MYO6: variants seen among roughly 807,000 people sequenced by gnomAD.
MYO6 encodes myosin VI.
In MYO6, 74 loss-of-function variants were observed where a neutral mutation model predicts 178.7. The observed-to-expected ratio is 0.41, with a 90% CI of 0.34 to 0.50. MYO6 has a LOEUF of 0.50. Among genes scored for constraint, MYO6 ranks in the 20% least tolerant of loss-of-function variants. The probability of loss-of-function intolerance (pLI) is 0.09; values close to 1 mark genes in which losing one functional copy is unlikely to be tolerated. For synonymous variants in MYO6, 477 were observed against 504.6 expected (o/e 0.95, Z 0.73); for missense variants, 1,330 against 1,547.4 (o/e 0.86, Z 2.36).
chr6:75,800,468 A>C (rs1447068342), intron 1 of MYO6, among the ~76,000 whole-genome samples: 1 of 152,202 alleles, frequency 6.6e-6, no homozygotes, highest in Non-Finnish European at 1.5e-5. Context: ...CTAAGGTGTC[A>C]GATTTCTTAC....
rs944125043 is a variant in MYO6 at position 75,849,256 on chromosome 6, A to C, written c.1078+725A>C. Among the ~76,000 whole-genome samples the C allele has an allele frequency of 1.4e-4, 21 of 152,310 alleles. No homozygotes were observed. In the South Asian group the frequency reaches 2.9e-3, roughly 21 times the overall value. On this transcript the variant is annotated intron_variant, in intron 11 of 34. Transcript: ENST00000369977. ...GCTAGTGTCAGAGTTGAGTAGTTGCAACAGAGGCTATATGTCCTGCAAAGC... is the reference window on the plus strand; with the variant it reads ...GCTAGTGTCAGAGTTGAGTAGTTGCCACAGAGGCTATATGTCCTGCAAAGC...
At chr6:75,833,451 GCAA>G (rs1769439175) in intron 6 of MYO6, among the ~76,000 whole-genome samples, 1 of 152,196 alleles carries the variant, frequency 6.6e-6, no homozygotes, top group Non-Finnish European at 1.5e-5. Flanking sequence ...CTTGACCCAT[GCAA>G]CAACAACTCC....
At chr6:75,783,883 G>A (rs1767243868) in intron 1 of MYO6, among the ~76,000 whole-genome samples, 1 of 152,128 alleles carries the variant, frequency 6.6e-6, no homozygotes, top group Admixed American at 6.6e-5. Context: ...TATGGTTGAT[G>A]GGATGAGGAA....
chr6:75,770,236 A>T (rs1179079648), intron 1 of MYO6, among the ~76,000 whole-genome samples: 1 of 152,222 alleles, frequency 6.6e-6, no homozygotes, highest in Non-Finnish European at 1.5e-5. Flanking sequence ...CTGCTTATAC[A>T]GCCTGCAGGA....
intron 16 of MYO6, among the ~76,000 whole-genome samples, chr6:75,865,771 A>G (rs1776616039): frequency 6.6e-6 from 1 of 152,158 alleles, no homozygotes; most frequent in South Asian, 2.1e-4. Context: ...TTATGATTAA[A>G]TGGTACAACC....
chr6:75,896,810 C>G (rs1318293128), intron 29 of MYO6, among the ~76,000 whole-genome samples: 1 of 152,214 alleles, frequency 6.6e-6, no homozygotes, highest in Non-Finnish European at 1.5e-5. Flanking sequence ...AGTGGGCACT[C>G]TTGCCCTCCA....
chr6:75,806,833 T>TA (rs1770145053), intron 1 of MYO6, among the ~76,000 whole-genome samples: 1 of 152,240 alleles, frequency 6.6e-6, no homozygotes, highest in Admixed American at 6.5e-5. Context: ...TGTTAATAAA[T>TA]ACGTGGGTAA....
Position 75,868,871 on chromosome 6 carries a change from T to A in MYO6, c.1944+1766T>A, listed in dbSNP as rs1008894123. Among the ~76,000 whole-genome samples the A allele has an allele frequency of 3.3e-5, 5 of 152,130 alleles. No individual in the cohort carries two copies. The East Asian group carries it at 9.6e-4, about 29-fold the overall frequency. The stretch of plus-strand genomic sequence containing the variant: ...GTTAGTGTTTTAGAAAAAGTCATCC[T>A]TTTTGATGGAAACATAATTCTATTA... On this transcript the variant is annotated intron_variant, in intron 18 of 34. Transcript: ENST00000369977.
chr6:75,809,891 TG>T (rs1367803132), intron 1 of MYO6, among the ~76,000 whole-genome samples: 1 of 146,282 alleles, frequency 6.8e-6, no homozygotes, highest in Non-Finnish European at 1.5e-5. Flanking sequence ...GATGAAACCT[TG>T]TCTCTGCTAA....
In MYO6 at chr6:75,813,273, C is replaced by G. The variant is rs1434831164; in HGVS notation, c.-47-4228C>G. Among the ~76,000 whole-genome samples, 4 of 152,300 alleles carry G rather than the reference C, an allele frequency of 2.6e-5. No homozygotes were observed. The East Asian group carries it at 7.7e-4, about 29-fold the overall frequency. Reference sequence around the variant, plus strand: ...CAAGTTCTTCCCACTCTTTTCTCCTCTTTCCTCAAGCAAAGAGTCTCTCTG... The same window carrying G: ...CAAGTTCTTCCCACTCTTTTCTCCTGTTTCCTCAAGCAAAGAGTCTCTCTG... On this transcript the variant is annotated intron_variant, in intron 1 of 34. Transcript: ENST00000369977.
rs2149439735 is a variant in MYO6, at chr6:75,917,366, T to A, written c.*2354T>A. On this transcript the variant is annotated 3_prime_UTR_variant, in exon 35 of 35. Coordinates refer to ENST00000369977, the MANE Select transcript of MYO6 (RefSeq NM_004999.4). ...GCAAAGGCAGCATGCATAAAATATT[T>A]AAAATGAGAGGACAGAATGTTTTCA... 6.5e-6 allele frequency: 1 copy of A among 152,818 alleles called. No homozygotes were observed. The highest frequency in any genetic ancestry group is 2.1e-4 in the South Asian group (1 of 4,830). The allele number at this position is 152,818 out of a possible 1,614,324, so 9.5% of individuals were successfully genotyped here.
In MYO6 at chr6:75,917,496, G is replaced by A. The variant is rs1385929089; in HGVS notation, c.*2484G>A. ...AGAAAAGGAAGTTACTCTAATCCAC[G>A]TATGTTAAGAGAATATTGAGTTTTC... On this transcript the variant is annotated 3_prime_UTR_variant, in exon 35 of 35. Coordinates refer to ENST00000369977, the MANE Select transcript of MYO6 (RefSeq NM_004999.4). 2.6e-5 allele frequency: 4 copies of A among 152,376 alleles called. No individual in the cohort carries two copies. The highest frequency in any genetic ancestry group is 4.1e-4 in the South Asian group (2 of 4,832). 9.4% of individuals were successfully genotyped at this position (152,376 alleles called of 1,614,324 possible).
chr6:75,868,993 G>C (rs908958016), intron 18 of MYO6, among the ~76,000 whole-genome samples: 4 of 149,204 alleles, frequency 2.7e-5, no homozygotes, highest in Admixed American at 2.0e-4. Flanking sequence ...GCTGTTCTTT[G>C]ATAGTTGACT....
In MYO6 at chr6:75,855,180, T is replaced by C. The variant is rs61732664; in HGVS notation, c.1120T>C (p.Tyr374His). ...LKNKSAQSLE[Y>H]CAELLGLDQD... ...GAATAAATCTGCTCAGTCTTTGGAA[T>C]ATTGTGCTGAATTACTGGGTTTGGA... is the stretch of plus-strand genomic sequence containing the variant. The change falls in exon 12 of 35, where the codon TAT becomes CAT. Residue 374 changes from tyrosine (Y) to histidine (H), a missense_variant. Tyr to His is a moderately conservative substitution (Grantham distance 83, BLOSUM62 2). Around this residue, in one of 3 missense-constraint regions of MYO6, gnomAD observed 613 missense variants for 816.8 expected, o/e 0.75. Coordinates refer to ENST00000369977, the MANE Select transcript of MYO6 (RefSeq NM_004999.4). 4.1e-3 allele frequency: 6,659 copies of C among 1,612,678 alleles called. 363 individuals are homozygous for C. In the Admixed American group the frequency reaches 0.098, roughly 24 times the overall value.
intron 1 of MYO6, among the ~76,000 whole-genome samples, chr6:75,805,015 A>ATTTT: frequency 1.7e-5 from 1 of 60,364 alleles, no homozygotes; most frequent in African/African-American, 1.1e-4. Context: ...ATATATATAT[A>ATTTT]TATATATTTT....
intron 3 of MYO6, among the ~76,000 whole-genome samples, chr6:75,826,235 G>T (rs980333877): frequency 1.1e-4 from 17 of 152,214 alleles, no homozygotes; most frequent in African/African-American, 4.1e-4. Context: ...CTCTTTTTCT[G>T]TGTCTTCTTG....
rs1425297268 is a variant in MYO6 at position 75,915,005 on chromosome 6, T to TA, written c.3854dup (p.Ter1286ValfsTer37). ...GCAACAGCCATGCTGCAGAGTCTGTTAAAGTAGATGTTGCACACCAGCCTT... is the reference window on the plus strand; with the variant it reads ...GCAACAGCCATGCTGCAGAGTCTGTTAAAAGTAGATGTTGCACACCAGCCTT... On this transcript the variant is annotated frameshift_variant, in exon 35 of 35. Transcript: ENST00000369977. LOFTEE classifies it high-confidence loss of function. The TA allele has an allele frequency of 1.1e-5, 18 of 1,612,290 alleles. No individual in the cohort carries two copies. In the South Asian group the frequency reaches 2.0e-4, roughly 18 times the overall value.
chr6:75,794,181 G>C (rs1422942551), intron 1 of MYO6, among the ~76,000 whole-genome samples: 1 of 152,194 alleles, frequency 6.6e-6, no homozygotes, highest in Non-Finnish European at 1.5e-5. Context: ...AAGAGTAAGA[G>C]TGGCAATCTT....
intron 3 of MYO6, among the ~76,000 whole-genome samples, chr6:75,826,067 G>A (rs967811166): frequency 9.9e-5 from 15 of 152,186 alleles, no homozygotes; most frequent in African/African-American, 3.6e-4. Flanking sequence ...TGACTACTAG[G>A]AAAGGACAGG....
Sources: allele counts gnomAD v4.1 joint callset (sites outside exome capture counted in the v4.1 genomes callset), GRCh38; gene constraint gnomAD v4.1.1; regional missense constraint gnomAD v4.1.1; transcripts MANE v1.5; gene names NCBI Gene and HGNC (gene_info 2026-07-23, HGNC 2026-07-21).